Variants in DAOA observed in about 807,000 individuals in gnomAD.
The protein encoded by DAOA is D-amino acid oxidase regulator.
A neutral mutation model predicts 16.4 loss-of-function variants in DAOA; 15 were observed. The ratio of observed to expected loss-of-function variants is 0.91; its 90% CI spans 0.61 to 1.41. DAOA has a LOEUF of 1.41. Among genes scored for constraint, DAOA ranks in the 40% most tolerant of loss-of-function variants. The pLI, the probability that DAOA is intolerant of heterozygous loss-of-function variation, is 0.00. For synonymous variants in DAOA, 75 were observed against 59.1 expected, an observed-to-expected ratio of 1.27 and a Z score of -1.23; for missense variants, 230 against 176.8, an observed-to-expected ratio of 1.30 and a Z score of -1.71.
chr13:105,466,715 G>C (rs111765290), intron 2 of DAOA, among the ~76,000 whole-genome samples: 1 of 152,072 alleles, frequency 6.6e-6, no homozygotes, highest in Non-Finnish European at 1.5e-5. Flanking sequence ...GTAGAACTGG[G>C]ATAACTTTGT....
chr13:105,468,453 A>C (rs1274920816), intron 3 of DAOA, among the ~76,000 whole-genome samples: 1 of 152,130 alleles, frequency 6.6e-6, no homozygotes, highest in Non-Finnish European at 1.5e-5. Context: ...TCTTACTTTT[A>C]ATTTCTGACC....
intron 4 of DAOA, among the ~76,000 whole-genome samples, chr13:105,474,207 T>C (rs1448640339): frequency 6.6e-6 from 1 of 152,102 alleles, no homozygotes; most frequent in East Asian, 1.9e-4. Flanking sequence ...ATAATGCCAA[T>C]GGGACTATGA....
intron 4 of DAOA, among the ~76,000 whole-genome samples, chr13:105,486,098 A>G (rs1391296557): frequency 6.6e-6 from 1 of 152,012 alleles, no homozygotes; most frequent in Non-Finnish European, 1.5e-5. Context: ...GTGATCTTGT[A>G]AAAAAGCAAA....
intron 4 of DAOA, chr13:105,475,070 G>A (rs2139179892): frequency 1.0e-6 from 1 of 984,486 alleles, no homozygotes; most frequent in Non-Finnish European, 1.2e-6. Context: ...GAGACACTGA[G>A]GTAAAGATGT....
At chr13:105,469,587 T>A (rs1876783035) in intron 3 of DAOA, among the ~76,000 whole-genome samples, 1 of 152,210 alleles carries the variant, frequency 6.6e-6, no homozygotes, top group African/African-American at 2.4e-5. Flanking sequence ...TGCCTTCACA[T>A]CGTTGTGAGA....
At chr13:105,487,799 A>G (rs997340551) in intron 4 of DAOA, among the ~76,000 whole-genome samples, 3 of 152,200 alleles carry the variant, frequency 2.0e-5, no homozygotes, top group African/African-American at 7.2e-5. Flanking sequence ...TAGAAAATTG[A>G]TCATCAAAGT....
chr13:105,470,257 A>G (rs1044796185), intron 3 of DAOA, among the ~76,000 whole-genome samples: 3 of 152,094 alleles, frequency 2.0e-5, no homozygotes, highest in African/African-American at 7.2e-5. Flanking sequence ...TTTGTTATGT[A>G]TTAAGCACAC....
At chr13:105,473,287 GCTAT>G (rs947160699) in intron 4 of DAOA, among the ~76,000 whole-genome samples, 10 of 151,820 alleles carry the variant, frequency 6.6e-5, no homozygotes, top group African/African-American at 1.9e-4. Flanking sequence ...AATATCTGAT[GCTAT>G]CTATCTTTTT....
In DAOA at chr13:105,472,694, C is replaced by G. The variant is rs1196783911; in HGVS notation, c.281+9C>G. 1 of 1,590,966 alleles carries G rather than the reference C, an allele frequency of 6.3e-7. No individual in the cohort carries two copies. Among genetic ancestry groups the G allele is most frequent in the Admixed American group, 1.8e-5 (1 of 55,682 alleles). On this transcript the variant is annotated intron_variant, in intron 4 of 5. Transcript: ENST00000375936. The stretch of plus-strand genomic sequence containing the variant: ...CCTCAGCCCTATGCAGAGTATGTAT[C>G]TTCTTCATTTTAAACTTTTAACCAG...
chr13:105,485,368 G>T (rs1254197313), intron 4 of DAOA, among the ~76,000 whole-genome samples: 1 of 152,088 alleles, frequency 6.6e-6, no homozygotes, highest in African/African-American at 2.4e-5. Context: ...TCAACAAATG[G>T]CATCATCATC....
intron 2 of DAOA, among the ~76,000 whole-genome samples, chr13:105,466,813 T>C (rs1876552164): frequency 6.6e-6 from 1 of 151,976 alleles, no homozygotes; most frequent in African/African-American, 2.4e-5. Context: ...TGGAGTGAAC[T>C]CTCCTGTCAG....
chr13:105,466,164 A>T, intron 1 of DAOA, 52 bp from the exon 2 acceptor site: 1 of 1,452,358 alleles, frequency 6.9e-7, no homozygotes. Flanking sequence ...ACCCCAAATT[A>T]GTGGCTTAAA....
intron 4 of DAOA, among the ~76,000 whole-genome samples, chr13:105,479,676 T>G (rs548998496): frequency 6.6e-6 from 1 of 152,204 alleles, no homozygotes; most frequent in Non-Finnish European, 1.5e-5. Context: ...GAGCCCACTC[T>G]ACTCTAGTAT....
In DAOA at chr13:105,466,206, G is replaced by C. The variant is rs1876498412; in HGVS notation, c.-73-10G>C. ...GCTTACTAGTGTATATGATGATTCT[G>C]TTGGTCCAGGATTTGGAAAGGGCAT... On this transcript the variant is annotated splice_polypyrimidine_tract_variant and intron_variant, in intron 1 of 5. Transcript: ENST00000375936. The C allele has an allele frequency of 6.2e-7, 1 of 1,601,874 alleles. No homozygotes were observed. Among genetic ancestry groups the C allele is most frequent in the Non-Finnish European group, 8.5e-7 (1 of 1,173,296 alleles).
intron 4 of DAOA, among the ~76,000 whole-genome samples, chr13:105,481,175 A>G (rs886886541): frequency 3.3e-5 from 5 of 152,070 alleles, no homozygotes; most frequent in African/African-American, 4.8e-5. Context: ...GTGTTTTTTC[A>G]TTTTGCTTTA....
chr13:105,469,649 T>C (rs1262022443), intron 3 of DAOA, among the ~76,000 whole-genome samples: 1 of 152,198 alleles, frequency 6.6e-6, no homozygotes, highest in African/African-American at 2.4e-5. Context: ...AATTATCGTT[T>C]CCCTACTCTG....
chr13:105,471,991 T>C (rs766833101), intron 3 of DAOA, among the ~76,000 whole-genome samples: 2 of 152,170 alleles, frequency 1.3e-5, no homozygotes, highest in Non-Finnish European at 2.9e-5. Flanking sequence ...AGGAATTATT[T>C]AACCCTATCT....
intron 4 of DAOA, among the ~76,000 whole-genome samples, chr13:105,486,097 T>TA (rs575321099): frequency 4.9e-4 from 74 of 152,268 alleles, no homozygotes; most frequent in Middle Eastern, 6.8e-3. Flanking sequence ...AGTGATCTTG[T>TA]AAAAAAGCAA....
chr13:105,475,343 T>C (rs1877257213), intron 4 of DAOA, among the ~76,000 whole-genome samples: 2 of 152,188 alleles, frequency 1.3e-5, no homozygotes, highest in African/African-American at 4.8e-5. Flanking sequence ...TGTTCCCAGA[T>C]ACCTCTCTCT....
Sources: allele counts gnomAD v4.1 joint callset (sites outside exome capture counted in the v4.1 genomes callset), GRCh38; gene constraint gnomAD v4.1.1; transcripts MANE v1.5; gene names NCBI Gene and HGNC (gene_info 2026-07-23, HGNC 2026-07-21).